Variants in EPHA5 observed in about 807,000 individuals in gnomAD.
EPHA5 encodes EPH receptor A5, also known as ephrin type-A receptor 5.
In EPHA5, 60 loss-of-function variants were observed where a neutral mutation model predicts 105.0. That is an observed-to-expected ratio of 0.57 (90% confidence interval 0.46 to 0.71). EPHA5 has a LOEUF of 0.71. Ranked by LOEUF, EPHA5 falls within the 30% of genes least tolerant of loss-of-function variation. The pLI, the probability that EPHA5 is intolerant of heterozygous loss-of-function variation, is 0.00. For missense variants in EPHA5, 1,218 were observed against 1,274.7 expected (o/e 0.96, Z 0.68); for synonymous variants, 513 against 449.1 (o/e 1.14, Z -1.80).
rs1248067253 is a variant in EPHA5, at chr4:65,604,682, T to C, written c.247-2378A>G. ...ATTTTTCTAAGCTTTCTTTCCCCTT[T>C]AACATGAAGAGAATATCTTGCTGTC... is the stretch of plus-strand genomic sequence containing the variant. On this transcript the variant is annotated intron_variant, in intron 2 of 16. Coordinates refer to ENST00000613740, the MANE Select transcript of EPHA5 (RefSeq NM_001281766.3). Among the ~76,000 whole-genome samples, 4 of 151,760 alleles carry C rather than the reference T, an allele frequency of 2.6e-5. No individual in the cohort carries two copies. The East Asian group carries it at 7.8e-4, about 30-fold the overall frequency.
At chr4:65,403,017 C>A (rs115439807) in intron 8 of EPHA5, among the ~76,000 whole-genome samples, 57,760 of 151,578 alleles carry the variant, frequency 0.38, 12,391 homozygotes, top group South Asian at 0.49. Context: ...CACAAACTGT[C>A]CCCTAGGCTA....
intron 1 of EPHA5, among the ~76,000 whole-genome samples, chr4:65,647,407 A>G (rs1748217035): frequency 6.6e-6 from 1 of 151,788 alleles, no homozygotes; most frequent in South Asian, 2.1e-4. Context: ...TAATTTCCCA[A>G]TTACCAAATT....
intron 2 of EPHA5, among the ~76,000 whole-genome samples, chr4:65,642,869 A>C: frequency 6.6e-6 from 1 of 151,614 alleles, no homozygotes; most frequent in East Asian, 1.9e-4. Flanking sequence ...TTTTATCTCA[A>C]TGTCATTTAA....
chr4:65,540,311 T>C (rs1342463568), intron 3 of EPHA5, among the ~76,000 whole-genome samples: 1 of 151,544 alleles, frequency 6.6e-6, no homozygotes, highest in Non-Finnish European at 1.5e-5. Flanking sequence ...TTGTCTTTTG[T>C]ATTGTATGCT....
chr4:65,627,892 C>T (rs1034839837), intron 2 of EPHA5, among the ~76,000 whole-genome samples: 2 of 151,776 alleles, frequency 1.3e-5, no homozygotes, highest in Non-Finnish European at 2.9e-5. Context: ...TCAAATCAGT[C>T]AAAAAAATAA....
intron 3 of EPHA5, among the ~76,000 whole-genome samples, chr4:65,557,887 T>C (rs954681171): frequency 2.0e-5 from 3 of 152,088 alleles, no homozygotes; most frequent in Non-Finnish European, 4.4e-5. Flanking sequence ...AAAATTCTTT[T>C]TTTTTTTTTA....
chr4:65,414,116 C>T (rs946858446), intron 7 of EPHA5, among the ~76,000 whole-genome samples, 168 bp downstream of exon 7: 3 of 152,112 alleles, frequency 2.0e-5, no homozygotes, highest in African/African-American at 7.2e-5. Flanking sequence ...GTTAACCTGC[C>T]GACCTACCAT....
intron 8 of EPHA5, chr4:65,377,197 A>T (rs756950484): frequency 2.5e-5 from 17 of 691,030 alleles, no homozygotes; most frequent in Non-Finnish European, 3.7e-5. Context: ...CATACAATTA[A>T]TTTTTTTCCA....
At chr4:65,541,837 G>A (rs1002548124) in intron 3 of EPHA5, among the ~76,000 whole-genome samples, 4 of 151,814 alleles carry the variant, frequency 2.6e-5, no homozygotes, top group African/African-American at 7.3e-5. Context: ...TGACATTATC[G>A]GAAGTAAAAC....
intron 1 of EPHA5, among the ~76,000 whole-genome samples, chr4:65,647,421 TAA>T (rs1296380461): frequency 6.6e-6 from 1 of 151,472 alleles, no homozygotes; most frequent in Non-Finnish European, 1.5e-5. Context: ...CCAAATTTAT[TAA>T]AAAGAGGGGA....
At chr4:65,664,097 G>C (rs1011781119) in intron 1 of EPHA5, among the ~76,000 whole-genome samples, 6 of 151,744 alleles carry the variant, frequency 4.0e-5, no homozygotes, top group Non-Finnish European at 7.4e-5. Context: ...ACAAATGTCT[G>C]GAAAGTCAGA....
chr4:65,357,932 C>T (rs909233470), intron 11 of EPHA5, among the ~76,000 whole-genome samples: 1 of 151,228 alleles, frequency 6.6e-6, no homozygotes, highest in Non-Finnish European at 1.5e-5. Context: ...GAGAATATGC[C>T]GTTCCTGGTA....
At position 65,631,232 on chromosome 4, in the gene EPHA5, G is replaced by T. The variant is rs74948427; in HGVS notation, c.246+12131C>A. Among the ~76,000 whole-genome samples, 1,279 of 152,164 alleles carry T rather than the reference G, an allele frequency of 8.4e-3. 23 individuals carry two copies. The highest frequency in any genetic ancestry group is 0.03 in the African/African-American group (1,228 of 41,496). On this transcript the variant is annotated intron_variant, in intron 2 of 16. Transcript: ENST00000613740. ...GCATTTTCCCTTCTTGCTGTAATTA[G>T]TATGCATTCCTGTTTTGATTTGTGA...
intron 5 of EPHA5, among the ~76,000 whole-genome samples, chr4:65,467,573 A>T (rs1414375325): frequency 6.6e-6 from 1 of 152,210 alleles, no homozygotes; most frequent in Non-Finnish European, 1.5e-5. Flanking sequence ...AAATTCAGTT[A>T]TCTCAACGAA....
intron 8 of EPHA5, among the ~76,000 whole-genome samples, chr4:65,381,476 C>A (rs1719555817): frequency 6.6e-6 from 1 of 151,434 alleles, no homozygotes; most frequent in Admixed American, 6.6e-5. Context: ...AAAAATTAAA[C>A]AAATCCAGTA....
chr4:65,429,551 C>G (rs1724779487), intron 5 of EPHA5, among the ~76,000 whole-genome samples: 1 of 151,974 alleles, frequency 6.6e-6, no homozygotes. Context: ...TCTGATCAAG[C>G]ATTTTTAAAA....
intron 11 of EPHA5, among the ~76,000 whole-genome samples, chr4:65,353,884 T>A (rs761888536): frequency 5.0e-4 from 76 of 151,928 alleles, no homozygotes; most frequent in Non-Finnish European, 1.6e-4. Context: ...TCTGTTCTAA[T>A]TGTTATGTGA....
intron 5 of EPHA5, among the ~76,000 whole-genome samples, chr4:65,455,254 T>A (rs1727464964): frequency 6.6e-6 from 1 of 151,838 alleles, no homozygotes; most frequent in South Asian, 2.1e-4. Flanking sequence ...TAAAATAAAA[T>A]AAAAATAAAT....
intron 1 of EPHA5, among the ~76,000 whole-genome samples, chr4:65,648,002 A>T (rs192389137): frequency 3.0e-4 from 45 of 152,300 alleles, no homozygotes; most frequent in African/African-American, 1.0e-3. Flanking sequence ...AATAGTCTTT[A>T]GTATGCTTTA....
Sources: allele counts gnomAD v4.1 joint callset (sites outside exome capture counted in the v4.1 genomes callset), GRCh38; gene constraint gnomAD v4.1.1; transcripts MANE v1.5; gene names NCBI Gene and HGNC (gene_info 2026-07-23, HGNC 2026-07-21).